The following POLDIP3 variants were observed in gnomAD, a reference collection of about 807,000 sequenced individuals.
POLDIP3 encodes polymerase delta-interacting protein 3.
In POLDIP3, 14 loss-of-function variants were observed where a neutral mutation model predicts 45.1. That is an observed-to-expected ratio of 0.31 (90% CI 0.20 to 0.49). The LOEUF is 0.49. Among genes scored for constraint, POLDIP3 ranks in the 20% least tolerant of loss-of-function variants. The pLI is 0.99. For synonymous variants in POLDIP3, 223 were observed against 205.2 expected, an observed-to-expected ratio of 1.09 and a Z score of -0.74; for missense variants, 511 against 538.8, an observed-to-expected ratio of 0.95 and a Z score of 0.51.
intron 3 of POLDIP3, among the ~76,000 whole-genome samples, chr22:42,600,575 G>A (rs1031392537): frequency 2.0e-5 from 3 of 151,420 alleles, no homozygotes; most frequent in South Asian, 2.1e-4. Context: ...GCAGTGAGCC[G>A]AGATCGTGCC....
At chr22:42,593,693 G>A (rs1352848063) in intron 6 of POLDIP3, among the ~76,000 whole-genome samples, 3 of 152,086 alleles carry the variant, frequency 2.0e-5, no homozygotes, top group Non-Finnish European at 4.4e-5. Flanking sequence ...GAATTTTTCT[G>A]TTTTTAGTAG....
intron 7 of POLDIP3, among the ~76,000 whole-genome samples, chr22:42,590,714 G>C (rs561675337): frequency 6.6e-6 from 1 of 152,332 alleles, no homozygotes; most frequent in African/African-American, 2.4e-5. Flanking sequence ...AGGGACTTAA[G>C]AATATGTAAA....
intron 4 of POLDIP3, among the ~76,000 whole-genome samples, chr22:42,598,317 C>G (rs866399973): frequency 6.1e-5 from 9 of 148,574 alleles, no homozygotes; most frequent in Non-Finnish European, 1.0e-4. Flanking sequence ...AGTGGCGCCT[C>G]TTGGCTCACT....
chr22:42,607,986 G>A (rs930850579), intron 1 of POLDIP3, among the ~76,000 whole-genome samples: 2 of 148,420 alleles, frequency 1.3e-5, no homozygotes, highest in African/African-American at 5.0e-5. Flanking sequence ...GGTGGGGGGC[G>A]CCTCCACCCA....
At chr22:42,614,343 G>C (rs968757453) in intron 1 of POLDIP3, among the ~76,000 whole-genome samples, 13 of 152,260 alleles carry the variant, frequency 8.5e-5, no homozygotes, top group African/African-American at 3.1e-4. Context: ...GGGGATTTGG[G>C]CTTGCGCCTC....
At chr22:42,612,485 A>G (rs1284984841) in intron 1 of POLDIP3, among the ~76,000 whole-genome samples, 2 of 152,208 alleles carry the variant, frequency 1.3e-5, no homozygotes, top group African/African-American at 2.4e-5. Context: ...GAAAGGTCCA[A>G]GATAATTACC....
At chr22:42,596,468 T>A in intron 4 of POLDIP3, 103 bp from the exon 5 acceptor site, 1 of 1,119,190 alleles carries the variant, frequency 8.9e-7, no homozygotes, top group Admixed American at 2.7e-5. Context: ...CCTCGATGCC[T>A]CCCAGCTCTC....
intron 6 of POLDIP3, among the ~76,000 whole-genome samples, chr22:42,593,367 A>AGGGTG (rs1925787334): frequency 6.6e-6 from 1 of 152,118 alleles, no homozygotes; most frequent in African/African-American, 2.4e-5. Context: ...AAGAGAAGCG[A>AGGGTG]GGGTGATTAT....
chr22:42,589,157 C>T (rs4822170), intron 7 of POLDIP3, among the ~76,000 whole-genome samples: 2 of 151,432 alleles, frequency 1.3e-5, no homozygotes. Flanking sequence ...GCACAAAAAT[C>T]GCTTGAACCT....
At chr22:42,603,381 G>A (rs368099727) in intron 1 of POLDIP3, among the ~76,000 whole-genome samples, 2 of 152,044 alleles carry the variant, frequency 1.3e-5, no homozygotes, top group East Asian at 1.9e-4. Context: ...AGAGAGAGGG[G>A]CTGGCAAGTT....
intron 3 of POLDIP3, among the ~76,000 whole-genome samples, chr22:42,600,130 A>C (rs1271509696): frequency 1.3e-5 from 2 of 152,202 alleles, no homozygotes; most frequent in Non-Finnish European, 2.9e-5. Flanking sequence ...AATAAATCCA[A>C]ACCCTAGAAA....
chr22:42,609,658 T>A (rs1215572454), intron 1 of POLDIP3, among the ~76,000 whole-genome samples: 1 of 152,052 alleles, frequency 6.6e-6, no homozygotes, highest in African/African-American at 2.4e-5. Context: ...GAGGCAGAGG[T>A]TGCCATGAGC....
intron 4 of POLDIP3, among the ~76,000 whole-genome samples, chr22:42,597,083 C>G (rs1225493263): frequency 1.3e-5 from 2 of 152,172 alleles, no homozygotes; most frequent in East Asian, 3.8e-4. Context: ...GAACCACACA[C>G]AGCCTTGGCC....
At chr22:42,601,750 A>G (rs766396946) in intron 3 of POLDIP3, among the ~76,000 whole-genome samples, 4 of 152,134 alleles carry the variant, frequency 2.6e-5, no homozygotes, top group Non-Finnish European at 5.9e-5. Context: ...ACAGAGCGAG[A>G]CTCCGTCTCA....
At chr22:42,608,199 G>T (rs1312106491) in intron 1 of POLDIP3, among the ~76,000 whole-genome samples, 1 of 151,376 alleles carries the variant, frequency 6.6e-6, no homozygotes, top group Non-Finnish European at 1.5e-5. Flanking sequence ...ACTTCATTTT[G>T]TTCTGTACTA....
At chr22:42,589,472 A>G (rs1925533900) in intron 7 of POLDIP3, among the ~76,000 whole-genome samples, 1 of 152,184 alleles carries the variant, frequency 6.6e-6, no homozygotes. Flanking sequence ...AACCTCAAAT[A>G]TATAAAATAA....
intron 1 of POLDIP3, among the ~76,000 whole-genome samples, chr22:42,608,265 A>C (rs1342697957): frequency 0.012 from 983 of 82,024 alleles, 11 homozygotes; most frequent in African/African-American, 0.073. Flanking sequence ...CCCCCCCCCC[A>C]AAAAAAAATT....
intron 7 of POLDIP3, among the ~76,000 whole-genome samples, chr22:42,590,974 T>G (rs1925629333): frequency 6.6e-6 from 1 of 151,768 alleles, no homozygotes; most frequent in Non-Finnish European, 1.5e-5. Flanking sequence ...CTTGGGAGGC[T>G]GAGGCAGGAA....
chr22:42,599,681 A>G lies in POLDIP3; in HGVS notation c.633+17T>C, dbSNP rs775927415. On this transcript the variant is annotated intron_variant, in intron 4 of 8. Coordinates refer to ENST00000252115, the MANE Select transcript of POLDIP3 (RefSeq NM_032311.5). Reference sequence around the variant, plus strand: ...CCTGATCAGACACGCAGTGTAAGAAAACATGAAATGCCATACCATGTGGTG... The same window carrying G: ...CCTGATCAGACACGCAGTGTAAGAAGACATGAAATGCCATACCATGTGGTG... 6.4e-7 allele frequency: 1 copy of G among 1,561,926 alleles called. No homozygotes were observed. The highest frequency in any genetic ancestry group is 1.7e-5 in the Admixed American group (1 of 59,628).
Sources: allele counts gnomAD v4.1 joint callset (sites outside exome capture counted in the v4.1 genomes callset), GRCh38; gene constraint gnomAD v4.1.1; transcripts MANE v1.5; gene names NCBI Gene and HGNC (gene_info 2026-07-23, HGNC 2026-07-21).